The following TTN variants were observed in gnomAD, a reference collection of about 807,000 sequenced individuals.
The protein encoded by TTN is titin.
Under a neutral mutation model 3,223.0 loss-of-function variants are expected in TTN, and 1,525 were observed. That is an observed-to-expected ratio of 0.47 (90% CI 0.45 to 0.49). The LOEUF is 0.49. TTN is among the 20% of genes least tolerant of loss of function. The pLI, the probability that TTN is intolerant of heterozygous loss-of-function variation, is 0.00. For synonymous variants in TTN, 14,094 were observed against 15,161.0 expected, an observed-to-expected ratio of 0.93 and a Z score of 5.17; for missense variants, 40,786 against 43,424.0, an observed-to-expected ratio of 0.94 and a Z score of 5.40.
In TTN at chr2:178,677,702, ATTC is replaced by A; in HGVS notation, c.34207_34209del (p.Glu11403del). On this transcript the variant is annotated inframe_deletion, in exon 146 of 363. Transcript: ENST00000589042. The stretch of plus-strand genomic sequence containing the variant: ...ACAAATTCTTCTTCCTCAGGTACAT[ATTC>A]TTCTTCGGGAGGAACTTCCTCTTCC... 1.9e-6 allele frequency: 3 copies of A among 1,612,714 alleles called. No individual in the cohort carries two copies. The highest frequency in any genetic ancestry group is 1.7e-6 in the Non-Finnish European group (2 of 1,179,176).
chr2:178,608,819 C>T lies in TTN; in HGVS notation c.52192G>A (p.Gly17398Ser), dbSNP rs2055560855. The T allele has an allele frequency of 1.2e-6, 2 of 1,612,374 alleles. No homozygotes were observed. Among genetic ancestry groups the T allele is most frequent in the African/African-American group, 1.3e-5 (1 of 74,820 alleles). The change falls in exon 274 of 363, where the codon GGC (glycine) becomes AGC (serine). Residue 17398 changes from glycine to serine, a missense_variant. Coordinates refer to ENST00000589042, the MANE Select transcript of TTN (RefSeq NM_001267550.2). ...CKWEPPLDDG[G>S]SEIINYTLEK... Reference sequence around the variant, plus strand: ...AAAGTGTAGTTTATGATTTCACTGCCACCATCATCAAGGGGTGGTTCCCAT... The same window carrying T: ...AAAGTGTAGTTTATGATTTCACTGCTACCATCATCAAGGGGTGGTTCCCAT...
Position 178,768,676 on chromosome 2 carries a change from C to G in TTN, c.9160G>C (p.Glu3054Gln). The change falls in exon 38 of 363, where the codon GAA becomes CAA. Residue 3054 changes from glutamate to glutamine, a missense_variant. Transcript: ENST00000589042. ...TCTAATATGTATGAAACCATACCTT[C>G]CACATAAAGTGTGGCTGTTGATGTT... Reference protein sequence around the residue: ...KATSTATLYVEARHIEFRKHI... With the variant: ...KATSTATLYVQARHIEFRKHI... 1.2e-6 allele frequency: 2 copies of G among 1,614,074 alleles called. No homozygotes were observed. The highest frequency in any genetic ancestry group is 3.3e-4 in the Middle Eastern group (2 of 6,060).
chr2:178,777,596 T>C lies in TTN; in HGVS notation c.4481-12A>G, dbSNP rs1307673518. Reference sequence around the variant, plus strand: ...GACAATTTGCTGGCCTGTGAAAATATGTTTAAAAGAAAGTAGATTTTAAAA... The same window carrying C: ...GACAATTTGCTGGCCTGTGAAAATACGTTTAAAAGAAAGTAGATTTTAAAA... On this transcript the variant is annotated splice_polypyrimidine_tract_variant and intron_variant, in intron 25 of 362. Transcript: ENST00000589042. The C allele has an allele frequency of 5.0e-6, 8 of 1,613,654 alleles. No individual in the cohort carries two copies. The highest frequency in any genetic ancestry group is 3.3e-5 in the Admixed American group (2 of 59,972).
chr2:178,782,855 A>C lies in TTN; in HGVS notation c.3051T>G (p.Ala1017=). 1 of 1,613,926 alleles carries C rather than the reference A, an allele frequency of 6.2e-7. No homozygotes were observed. Among genetic ancestry groups the C allele is most frequent in the Non-Finnish European group, 8.5e-7 (1 of 1,179,924 alleles). Residue 1017 remains alanine, a synonymous_variant, in exon 18 of 363, where the codon GCT becomes GCG. Coordinates refer to ENST00000589042, the MANE Select transcript of TTN (RefSeq NM_001267550.2). ...AEDSGRFTCS[A]VNEAGTVSTS... is the part of the protein sequence containing the mutation. ...TGCTGACGGTTCCAGCCTCATTTAC[A>C]GCACTGCAAGTAAATCGCCCGCTGT...
At chr2:178,679,782 C>T (rs2068917944) in intron 140 of TTN, 100 bp from the exon 141 acceptor site, 1 of 1,545,924 alleles carries the variant, frequency 6.5e-7, no homozygotes, top group South Asian at 1.2e-5. Context: ...AAAATATCTG[C>T]TTTAAAGTAA....
rs727505277 is a variant in TTN, at chr2:178,786,081, G to T, written c.2137C>A (p.Arg713=). 1 of 1,613,956 alleles carries T rather than the reference G, an allele frequency of 6.2e-7. No individual in the cohort carries two copies. The highest frequency in any genetic ancestry group is 8.5e-7 in the Non-Finnish European group (1 of 1,179,984). ...ATVVAAVDQA[R]VREPREPGHL... is the part of the protein sequence containing the mutation. ...CCAGGCTCTCTGGGCTCTCTGACTC[G>T]GGCCTGGTCTACTGCAGCAACAACT... The change falls in exon 14 of 363, where the codon CGA becomes AGA. Residue 713 remains arginine, a synonymous_variant. Transcript: ENST00000589042.
rs117810059 is a variant in TTN, at chr2:178,723,356, C to G, written c.21683-32G>C. The G allele has an allele frequency of 6.9e-6, 11 of 1,603,572 alleles. No homozygotes were observed. The East Asian group carries it at 2.0e-4, about 29-fold the overall frequency. On this transcript the variant is annotated intron_variant, in intron 74 of 362. Transcript: ENST00000589042. Reference sequence around the variant, plus strand: ...AGTGACAAAGCACAGCAGTTAAACACAAGAAAAACACAAGGATGTCGGTAT... The same window carrying G: ...AGTGACAAAGCACAGCAGTTAAACAGAAGAAAAACACAAGGATGTCGGTAT...
Position 178,567,573 on chromosome 2 carries a change from C to T in TTN, c.78559G>A (p.Glu26187Lys), listed in dbSNP as rs1414582123. Residue 26187 changes from glutamate (E) to lysine (K), a missense_variant, in exon 326 of 363, where the codon GAG becomes AAG. By Grantham distance (56) the Glu-to-Lys change is moderately conservative. Coordinates refer to ENST00000589042, the MANE Select transcript of TTN (RefSeq NM_001267550.2). Reference protein sequence around the residue: ...DSTGPITAKDEVELPRISMDP... With the variant: ...DSTGPITAKDKVELPRISMDP... ...ATTGAAATTCTTGGGAGTTCAACCT[C>T]ATCCTTGGCAGTTATTGGTCCAGTA... 1 of 1,609,372 alleles carries T rather than the reference C, an allele frequency of 6.2e-7. No homozygotes were observed.
At position 178,720,167 on chromosome 2, in the gene TTN, A is replaced by T; in HGVS notation, c.23475T>A (p.Ser7825=). Residue 7825 remains serine (S), a synonymous_variant, in exon 81 of 363, where the codon TCT becomes TCA. Transcript: ENST00000589042. ...CACCTCTATCTTTCAGCCAGACAAC[A>T]GAAATTGGCTGGAAGCCCTCCACTA... The part of the protein sequence containing the change: ...RAIVEGFQPI[S]VVWLKDRGEV... 2.5e-6 allele frequency: 4 copies of T among 1,613,786 alleles called. No homozygotes were observed. The highest frequency in any genetic ancestry group is 3.4e-6 in the Non-Finnish European group (4 of 1,179,736).
Position 178,614,608 on chromosome 2 carries a change from G to A in TTN, c.48906C>T (p.Asp16302=). The part of the protein sequence containing the change: ...WTKADMILKQ[D]KRITIENVPK... Reference sequence around the variant, plus strand: ...GGACATTTTCAATGGTAATTCTTTTGTCCTGCTTCAGAATCATATCAGCCT... The same window carrying A: ...GGACATTTTCAATGGTAATTCTTTTATCCTGCTTCAGAATCATATCAGCCT... Residue 16302 remains aspartate (D), a synonymous_variant, in exon 261 of 363, where the codon GAC becomes GAT. Coordinates refer to ENST00000589042, the MANE Select transcript of TTN (RefSeq NM_001267550.2). 1.2e-6 allele frequency: 2 copies of A among 1,612,260 alleles called. No individual in the cohort carries two copies. Among genetic ancestry groups the A allele is most frequent in the South Asian group, 2.2e-5 (2 of 91,028 alleles).
chr2:178,704,396 C>T lies in TTN; in HGVS notation c.29974G>A (p.Glu9992Lys). Residue 9992 changes from glutamate (E) to lysine (K), a missense_variant, in exon 106 of 363, where the codon GAA becomes AAA. Transcript: ENST00000589042. Reference sequence around the variant, plus strand: ...AGAGTCACATCCTGAAGATGCCGTTCCCATGCAGGCTCTGTTCATGTGATA... The same window carrying T: ...AGAGTCACATCCTGAAGATGCCGTTTCCATGCAGGCTCTGTTCATGTGATA... ...AKLTVIEPAW[E>K]RHLQDVTLKE... is the part of the protein sequence containing the mutation. 1.2e-6 allele frequency: 2 copies of T among 1,613,160 alleles called. No homozygotes were observed. The highest frequency in any genetic ancestry group is 1.7e-6 in the Non-Finnish European group (2 of 1,179,278).
rs2857279 is a variant in TTN at position 178,543,564 on chromosome 2, C to T, written c.96409G>A (p.Val32137Ile). ...CGCTTCTCAACGATGTAATTGTTGA[C>T]TGGAGCTCCACCATCAATCGTGGGA... ...EIPTIDGGAPVNNYIVEKREA... is the reference protein window; with the variant it reads ...EIPTIDGGAPINNYIVEKREA... Residue 32137 changes from valine (V) to isoleucine (I), a missense_variant, in exon 347 of 363, where the codon GTC becomes ATC. Physicochemically the swap from Val to Ile is conservative, Grantham distance 29 (BLOSUM62 3). Transcript: ENST00000589042. 6.2e-7 allele frequency: 1 copy of T among 1,610,690 alleles called. No homozygotes were observed. Among genetic ancestry groups the T allele is most frequent in the Non-Finnish European group, 8.5e-7 (1 of 1,179,676 alleles).
Position 178,684,986 on chromosome 2 carries a change from G to T in TTN, c.32474C>A (p.Pro10825His), listed in dbSNP as rs1312218348. 6.3e-7 allele frequency: 1 copy of T among 1,599,372 alleles called. No individual in the cohort carries two copies. The highest frequency in any genetic ancestry group is 1.3e-5 in the African/African-American group (1 of 74,722). Reference protein sequence around the residue: ...KIEEPPPAKVPEAPKKIVPEK... With the variant: ...KIEEPPPAKVHEAPKKIVPEK... ...TGGCACAATTTTCTTAGGTGCTTCA[G>T]GAACTTTAGAAAGATTAGGTTTAAG... Residue 10825 changes from proline to histidine, a missense_variant, in exon 130 of 363, where the codon CCT (proline) becomes CAT (histidine). Coordinates refer to ENST00000589042, the MANE Select transcript of TTN (RefSeq NM_001267550.2).
chr2:178,801,800 G>A (rs2094079003), intron 3 of TTN, among the ~76,000 whole-genome samples: 1 of 152,130 alleles, frequency 6.6e-6, no homozygotes, highest in African/African-American at 2.4e-5. Context: ...ACACTTCCCT[G>A]GAGAATATGT....
intron 236 of TTN, among the ~76,000 whole-genome samples, chr2:178,631,928 A>G (rs1418202285): frequency 6.6e-6 from 1 of 152,060 alleles, no homozygotes; most frequent in Non-Finnish European, 1.5e-5. Context: ...GTTGGCTTTT[A>G]ATTGGCTATT....
chr2:178,725,625 A>G lies in TTN; in HGVS notation c.20579T>C (p.Leu6860Pro), dbSNP rs767944090. Residue 6860 changes from leucine to proline, a missense_variant, in exon 71 of 363, where the codon CTG becomes CCG. By Grantham distance (98) the Leu-to-Pro change is moderately conservative. Transcript: ENST00000589042. ...TCCGGCTACAACAGTGAGGCTGTTC[A>G]GTTTGGAGACAAATCTTGGTGGTTC... ...LKEPPRFVSKLNSLTVVAGEP... is the reference protein window; with the variant it reads ...LKEPPRFVSKPNSLTVVAGEP... The G allele has an allele frequency of 8.2e-6, 13 of 1,591,538 alleles. No homozygotes were observed. Among genetic ancestry groups the G allele is most frequent in the Non-Finnish European group, 1.1e-5 (13 of 1,168,176 alleles).
Position 178,775,136 on chromosome 2 carries a change from G to T in TTN, c.6575C>A (p.Ala2192Glu). The T allele has an allele frequency of 6.2e-7, 1 of 1,613,960 alleles. No homozygotes were observed. Among genetic ancestry groups the T allele is most frequent in the Non-Finnish European group, 8.5e-7 (1 of 1,179,954 alleles). ...TTCTGAAGTTTCACATTCAAAGGTT[G>T]CCATAGTGTCTTTTTCCTTAGCAAC... ...DVVAKEKDTM[A>E]TFECETSEPF... Residue 2192 changes from alanine to glutamate, a missense_variant, in exon 29 of 363, where the codon GCA (alanine) becomes GAA (glutamate). Physicochemically the swap from Ala to Glu is moderately radical, Grantham distance 107. Transcript: ENST00000589042.
Position 178,756,706 on chromosome 2 carries a change from C to T in TTN, c.10770G>A (p.Glu3590=), listed in dbSNP as rs377401997. Residue 3590 remains glutamate (E), a synonymous_variant, in exon 46 of 363, where the codon GAG becomes GAA. Transcript: ENST00000589042. ...AVADSSFTKE[E]SKISQKEIKS... Reference sequence around the variant, plus strand: ...TAATTTCCTTTTGAGATATTTTGCTCTCCTCCTTTGTGAAAGAGGAATCTG... The same window carrying T: ...TAATTTCCTTTTGAGATATTTTGCTTTCCTCCTTTGTGAAAGAGGAATCTG... The T allele has an allele frequency of 7.5e-5, 121 of 1,613,638 alleles. No homozygotes were observed. Among genetic ancestry groups the T allele is most frequent in the Non-Finnish European group, 9.7e-5 (115 of 1,179,766 alleles).
At chr2:178,804,108 G>C (rs922619549) in intron 2 of TTN, among the ~76,000 whole-genome samples, 2 of 152,200 alleles carry the variant, frequency 1.3e-5, no homozygotes, top group African/African-American at 4.8e-5. Flanking sequence ...AAAATTAGAT[G>C]CACTGTTATT....
Sources: gnomAD v4.1 joint callset for allele counts (sites outside exome capture counted in the v4.1 genomes callset) on GRCh38, gnomAD v4.1.1 for gene constraint, MANE v1.5 for transcripts, NCBI Gene and HGNC (gene_info 2026-07-23, HGNC 2026-07-21) for gene names.